MTUS1: variants seen among roughly 807,000 people sequenced by gnomAD.
MTUS1 encodes the protein microtubule-associated tumor suppressor 1.
Under a neutral mutation model 120.8 loss-of-function variants are expected in MTUS1, and 109 were observed. The observed-to-expected ratio is 0.90, with a 90% CI of 0.77 to 1.06. MTUS1 has a LOEUF of 1.06. MTUS1 is among the 50% of genes least tolerant of loss of function. The pLI is 0.00. For synonymous variants in MTUS1, 737 were observed against 550.5 expected (o/e 1.34, Z -4.74); for missense variants, 2,210 against 1,486.3 (o/e 1.49, Z -8.01).
chr8:17,707,317 G>A (rs932025087), intron 6 of MTUS1, among the ~76,000 whole-genome samples: 29 of 152,098 alleles, frequency 1.9e-4, no homozygotes, highest in Admixed American at 3.9e-4. Flanking sequence ...CATCAAAGTC[G>A]TCTTTCCAAA....
chr8:17,701,329 T>C (rs74668788), intron 6 of MTUS1, among the ~76,000 whole-genome samples: 1,706 of 152,268 alleles, frequency 0.011, 35 homozygotes, highest in African/African-American at 0.039. Flanking sequence ...CACTATCCTC[T>C]TCCTCAGTAC....
intron 8 of MTUS1, among the ~76,000 whole-genome samples, chr8:17,669,933 G>C (rs774036702): frequency 6.6e-6 from 1 of 152,224 alleles, no homozygotes; most frequent in Non-Finnish European, 1.5e-5. Context: ...AGTTGGGGGC[G>C]CAGGCCTGGA....
intron 1 of MTUS1, among the ~76,000 whole-genome samples, chr8:17,765,504 C>T (rs996210040): frequency 6.6e-6 from 1 of 151,456 alleles, no homozygotes; most frequent in African/African-American, 2.4e-5. Context: ...CCTGTAATCT[C>T]AGCTACTAGG....
rs369762682 is a variant in MTUS1 at position 17,723,812 on chromosome 8, G to A, written c.2309C>T (p.Thr770Ile). 6.9e-6 allele frequency: 11 copies of A among 1,593,642 alleles called. 1 individual carries two copies. Among genetic ancestry groups the A allele is most frequent in the South Asian group, 4.5e-5 (4 of 89,174 alleles). ...CAAATTCACCCATGACGACTGTGCA[G>A]TTTTCAAGGATGTAGGCTTTCCTTG... Reference protein sequence around the residue: ...SSSGKPTSLKTAQSSWVNLPR... With the variant: ...SSSGKPTSLKIAQSSWVNLPR... Residue 770 changes from threonine to isoleucine, a missense_variant, in exon 4 of 15, where the codon ACT becomes ATT. Coordinates refer to ENST00000693296, the MANE Select transcript of MTUS1 (RefSeq NM_001363059.2).
Position 17,644,541 on chromosome 8 carries a change from G to A in MTUS1, c.*1385C>T, listed in dbSNP as rs1022751506. The A allele has an allele frequency of 2.0e-5, 3 of 152,240 alleles. No individual in the cohort carries two copies. Among genetic ancestry groups the A allele is most frequent in the Non-Finnish European group, 2.9e-5 (2 of 68,038 alleles). The allele number at this position is 152,240 out of a possible 1,614,324, so 9.4% of individuals were successfully genotyped here. A position where few individuals can be genotyped will look rare whatever the true frequency, so the allele number is the denominator to read the frequency against. ...AAAGAAACTGAAATGCAACCTGGAG[G>A]AGAGTTGGACAAGCCACATTTTCCA... On this transcript the variant is annotated 3_prime_UTR_variant, in exon 15 of 15. Coordinates refer to ENST00000693296, the MANE Select transcript of MTUS1 (RefSeq NM_001363059.2).
chr8:17,702,506 C>T lies in MTUS1; in HGVS notation c.2623+10708G>A, dbSNP rs549826414. On this transcript the variant is annotated intron_variant, in intron 6 of 14. Transcript: ENST00000693296. ...GTAACAAACATCTCGAAAACCTTTT[C>T]GCCCTTGCATAACAAACCTTGTACC... is the stretch of plus-strand genomic sequence containing the variant. 2.4e-4 allele frequency among the ~76,000 whole-genome samples: 37 copies of T among 152,276 alleles called. 1 individual carries two copies. Among genetic ancestry groups the T allele is most frequent in the African/African-American group, 6.5e-4 (27 of 41,562 alleles).
chr8:17,760,823 CT>C (rs2048986039), intron 1 of MTUS1, among the ~76,000 whole-genome samples: 1 of 131,834 alleles, frequency 7.6e-6, no homozygotes, highest in African/African-American at 2.8e-5. Context: ...AAAAAAAAAA[CT>C]TGAAACAAAC....
chr8:17,792,451 T>C (rs1052060650), intron 1 of MTUS1, among the ~76,000 whole-genome samples: 3 of 152,240 alleles, frequency 2.0e-5, no homozygotes, highest in Admixed American at 6.5e-5. Context: ...GGTTTTCTCA[T>C]AGAAACAGAA....
intron 1 of MTUS1, among the ~76,000 whole-genome samples, chr8:17,758,622 T>C (rs978405390): frequency 6.6e-6 from 1 of 152,222 alleles, no homozygotes; most frequent in African/African-American, 2.4e-5. Context: ...GGGGATATAA[T>C]TTCCAAAAGC....
At chr8:17,679,699 C>T (rs1046463393) in intron 7 of MTUS1, among the ~76,000 whole-genome samples, 3 of 151,842 alleles carry the variant, frequency 2.0e-5, no homozygotes, top group African/African-American at 7.3e-5. Flanking sequence ...GACAGGGTTT[C>T]GCCATGTTGG....
rs746134272 is a variant in MTUS1, at chr8:17,754,365, T to C, written c.1443A>G (p.Lys481=). Residue 481 remains lysine, a synonymous_variant, in exon 2 of 15, where the codon AAA becomes AAG. Coordinates refer to ENST00000693296, the MANE Select transcript of MTUS1 (RefSeq NM_001363059.2). ...TTGGGGTATTCGTTTTGATTGTTGA[T>C]TTTCCTAAACTGGGTTTACACAGGT... ...PVNLCKPSLG[K]STIKTNTPIG... is the part of the protein sequence containing the mutation. The C allele has an allele frequency of 1.2e-6, 2 of 1,614,056 alleles. No individual in the cohort carries two copies. The highest frequency in any genetic ancestry group is 2.2e-5 in the South Asian group (2 of 91,080).
intron 2 of MTUS1, among the ~76,000 whole-genome samples, chr8:17,746,287 T>C (rs759557607): frequency 3.3e-5 from 5 of 152,194 alleles, no homozygotes; most frequent in Non-Finnish European, 5.9e-5. Flanking sequence ...CAGTACTCTC[T>C]CCTGAGTTTC....
intron 3 of MTUS1, among the ~76,000 whole-genome samples, chr8:17,729,130 T>G (rs7835896): frequency 0.021 from 3,177 of 152,298 alleles, 106 homozygotes; most frequent in African/African-American, 0.073. Context: ...ATTATATAAC[T>G]TGGGTTCCTT....
intron 7 of MTUS1, among the ~76,000 whole-genome samples, chr8:17,682,201 A>C (rs1199966678): frequency 6.6e-6 from 1 of 152,124 alleles, no homozygotes; most frequent in Non-Finnish European, 1.5e-5. Flanking sequence ...AAACAGTACA[A>C]GCCTAATGAT....
intron 8 of MTUS1, among the ~76,000 whole-genome samples, chr8:17,666,332 T>TTC (rs1009133875): frequency 1.4e-4 from 21 of 152,162 alleles, no homozygotes; most frequent in African/African-American, 4.8e-4. Context: ...ATTCTGCCTC[T>TTC]TCTCCTCACT....
chr8:17,687,555 C>A (rs941659724), intron 6 of MTUS1, among the ~76,000 whole-genome samples: 1 of 152,100 alleles, frequency 6.6e-6, no homozygotes, highest in Non-Finnish European at 1.5e-5. Flanking sequence ...GTTTACTGTA[C>A]CTATTAACAG....
At position 17,646,130 on chromosome 8, in the gene MTUS1, G is replaced by A. The variant is rs1805738174; in HGVS notation, c.3609C>T (p.Ser1203=). The part of the protein sequence containing the change: ...DKHMAISRQL[S]TEQAVLQESL... ...ACTCTTGCAGAACAGCCTGCTCCGTGGAAAGCTGCCTTGAAGAAAAAGGCC... is the reference window on the plus strand; with the variant it reads ...ACTCTTGCAGAACAGCCTGCTCCGTAGAAAGCTGCCTTGAAGAAAAAGGCC... Residue 1203 remains serine (S), a synonymous_variant, in exon 15 of 15, where the codon TCC becomes TCT. Transcript: ENST00000693296. The A allele has an allele frequency of 1.2e-6, 2 of 1,609,972 alleles. No homozygotes were observed. Among genetic ancestry groups the A allele is most frequent in the African/African-American group, 2.7e-5 (2 of 74,632 alleles).
chr8:17,647,441 T>A (rs1806054150), intron 13 of MTUS1, among the ~76,000 whole-genome samples: 1 of 150,382 alleles, frequency 6.6e-6, no homozygotes, highest in Admixed American at 6.7e-5. Context: ...TCTATCTCCT[T>A]ACGGTGAATT....
chr8:17,659,432 C>G (rs1436765984), intron 8 of MTUS1, among the ~76,000 whole-genome samples: 1 of 152,198 alleles, frequency 6.6e-6, no homozygotes, highest in Non-Finnish European at 1.5e-5. Flanking sequence ...CACAGTGGCT[C>G]ACGCCTGTAA....
Sources: allele counts gnomAD v4.1 joint callset (sites outside exome capture counted in the v4.1 genomes callset), GRCh38; gene constraint gnomAD v4.1.1; transcripts MANE v1.5; gene names NCBI Gene and HGNC (gene_info 2026-07-23, HGNC 2026-07-21).